Variants in YAE1 observed in about 807,000 individuals in gnomAD.
YAE1 encodes the protein YAE1 maturation factor of ABCE1.
A neutral mutation model predicts 23.0 loss-of-function variants in YAE1; 22 were observed. The observed-to-expected ratio is 0.96, with a 90% CI of 0.68 to 1.37. YAE1 has a LOEUF of 1.37. Ranked by LOEUF, YAE1 falls within the 40% of genes most tolerant of loss-of-function variation. The pLI is 0.00. For synonymous variants in YAE1, 101 were observed against 97.0 expected (o/e 1.04, Z -0.24); for missense variants, 260 against 262.1 (o/e 0.99, Z 0.06).
chr7:39,571,490 C>T (rs541217271), intron 2 of YAE1, among the ~76,000 whole-genome samples: 11 of 151,572 alleles, frequency 7.3e-5, no homozygotes, highest in African/African-American at 2.2e-4. Context: ...CAAAACAAAC[C>T]GAAAAATTTA....
chr7:39,609,929 C>A (rs1463821088), exon 3 of YAE1: 6 of 1,526,286 alleles, frequency 3.9e-6, no homozygotes, highest in Non-Finnish European at 5.3e-6. Context: ...CACCTTCCAA[C>A]TCCGAAACAC....
Position 39,580,510 on chromosome 7 carries a change from T to C in YAE1, c.251+9883T>C. Among the ~76,000 whole-genome samples the C allele has an allele frequency of 1.3e-5, 2 of 151,638 alleles. 1 individual carries two copies. The highest frequency in any genetic ancestry group is 2.9e-5 in the Non-Finnish European group (2 of 67,908). On this transcript the variant is annotated intron_variant, in intron 2 of 2. Transcript: ENST00000432096. Reference sequence around the variant, plus strand: ...AGTTGAATCCTGGTGCTTTCATGCATGTGTATGCAACTCACCACTGAGAGA... The same window carrying C: ...AGTTGAATCCTGGTGCTTTCATGCACGTGTATGCAACTCACCACTGAGAGA...
intron 1 of YAE1, chr7:39,569,318 A>G (rs570954338): frequency 3.5e-5 from 11 of 313,036 alleles, no homozygotes; most frequent in African/African-American, 2.5e-4. Context: ...CTTCAAACCA[A>G]AAGAAATAAT....
At chr7:39,569,704 G>T (rs1790534214) in intron 1 of YAE1, 1 of 712,856 alleles carries the variant, frequency 1.4e-6, no homozygotes, top group Non-Finnish European at 2.7e-6. Context: ...AAGTAGTTAT[G>T]GCAAGTCCTG....
chr7:39,572,300 T>A lies in YAE1; in HGVS notation c.275T>A (p.Leu92His). 6.2e-7 allele frequency: 1 copy of A among 1,613,024 alleles called. No homozygotes were observed. The highest frequency in any genetic ancestry group is 1.1e-5 in the South Asian group (1 of 90,902). ...TLSALLSWCH[L>H]HNNNSTLINK... The stretch of plus-strand genomic sequence containing the variant: ...AGTGCTTTGCTCTCCTGGTGTCACC[T>A]TCATAATAATAATTCAACTTTGATC... Residue 92 changes from leucine to histidine, a missense_variant, in exon 3 of 3, where the codon CTT becomes CAT. Leu to His is a moderately conservative substitution (Grantham distance 99). Transcript: ENST00000223273.
chr7:39,596,593 C>T (rs1371875315), intron 2 of YAE1, among the ~76,000 whole-genome samples: 3 of 152,136 alleles, frequency 2.0e-5, no homozygotes, highest in African/African-American at 7.2e-5. Flanking sequence ...GTTTACTTCT[C>T]CTTAACAACT....
intron 2 of YAE1, among the ~76,000 whole-genome samples, chr7:39,598,994 C>T (rs2115837685): frequency 6.6e-6 from 1 of 152,012 alleles, no homozygotes; most frequent in South Asian, 2.1e-4. Flanking sequence ...TAAATTCTCA[C>T]TCTGTTGGGA....
At position 39,572,701 on chromosome 7, in the gene YAE1, C is replaced by G. The variant is rs1302190664; in HGVS notation, c.676C>G (p.Leu226Val). The change falls in exon 3 of 3, where the codon CTA (leucine) becomes GTA (valine). Residue 226 changes from leucine (L) to valine (V), a missense_variant. Transcript: ENST00000223273. The part of the protein sequence containing the change: ...SVDVLQHLKQ[L>V] ...AGATGTATTACAACACCTCAAACAACTATAAAATTACCTTCCCTTTTCTAA... is the reference window on the plus strand; with the variant it reads ...AGATGTATTACAACACCTCAAACAAGTATAAAATTACCTTCCCTTTTCTAA... The G allele has an allele frequency of 1.3e-6, 2 of 1,563,364 alleles. No individual in the cohort carries two copies. Among genetic ancestry groups the G allele is most frequent in the Non-Finnish European group, 1.7e-6 (2 of 1,160,404 alleles).
chr7:39,572,439 G>A lies in YAE1; in HGVS notation c.414G>A (p.Glu138=), dbSNP rs145962276. 1.7e-4 allele frequency: 268 copies of A among 1,614,004 alleles called. No individual in the cohort carries two copies. The highest frequency in any genetic ancestry group is 2.2e-4 in the Non-Finnish European group (255 of 1,179,994). Residue 138 remains glutamate, a synonymous_variant, in exon 3 of 3, where the codon GAG becomes GAA. Coordinates refer to ENST00000223273, the MANE Select transcript of YAE1 (RefSeq NM_020192.5). ...TTGTAGATTTATTGGACTCCATTGA[G>A]GATATGGACCTTTGTCATGTAGTTC... is the stretch of plus-strand genomic sequence containing the variant. ...SHVVDLLDSI[E]DMDLCHVVPA...
At chr7:39,566,594 C>A (rs1342110394) in intron 1 of YAE1, 47 bp downstream of exon 1, 1 of 1,607,642 alleles carries the variant, frequency 6.2e-7, no homozygotes, top group Non-Finnish European at 8.5e-7. Context: ...TGGGAAGAGG[C>A]GCGGAGTTGT....
chr7:39,599,456 A>G (rs1168975864), intron 2 of YAE1, among the ~76,000 whole-genome samples: 1 of 151,046 alleles, frequency 6.6e-6, no homozygotes, highest in Non-Finnish European at 1.5e-5. Context: ...GCTCACTGCA[A>G]CCTCCGCCTC....
chr7:39,587,279 A>G (rs1790833803), intron 2 of YAE1, among the ~76,000 whole-genome samples: 1 of 151,208 alleles, frequency 6.6e-6, no homozygotes, highest in South Asian at 2.1e-4. Flanking sequence ...CTGGTCTCGA[A>G]CTCCTGACTT....
chr7:39,584,774 T>TA (rs1206715797), intron 2 of YAE1, among the ~76,000 whole-genome samples: 1 of 152,156 alleles, frequency 6.6e-6, no homozygotes, highest in Non-Finnish European at 1.5e-5. Context: ...ATCCCAGCAC[T>TA]ATGGGAGGCC....
downstream of YAE1, among the ~76,000 whole-genome samples, chr7:39,574,774 A>G (rs554070248): frequency 1.3e-4 from 20 of 150,872 alleles, no homozygotes; most frequent in East Asian, 3.9e-3. Flanking sequence ...CCATGGTGTT[A>G]AGTCCCTGTA....
chr7:39,572,147 T>A, intron 2 of YAE1, 130 bp from the exon 3 acceptor site: 1 of 963,702 alleles, frequency 1.0e-6, no homozygotes, highest in South Asian at 1.9e-5. Flanking sequence ...GTATATAGAG[T>A]TATGAAAGAG....
intron 2 of YAE1, among the ~76,000 whole-genome samples, chr7:39,588,944 T>C (rs1330982213): frequency 1.3e-5 from 2 of 152,086 alleles, no homozygotes; most frequent in African/African-American, 4.8e-5. Flanking sequence ...TGCCTCAGCC[T>C]CCTGAATAGC....
chr7:39,584,871 C>A (rs967999482), intron 2 of YAE1, among the ~76,000 whole-genome samples: 5 of 152,134 alleles, frequency 3.3e-5, no homozygotes, highest in Non-Finnish European at 7.3e-5. Flanking sequence ...CAACAAAAAT[C>A]ATGCAATTTA....
intron 2 of YAE1, among the ~76,000 whole-genome samples, chr7:39,603,296 G>A (rs529063347): frequency 9.2e-5 from 14 of 152,210 alleles, no homozygotes; most frequent in Middle Eastern, 3.4e-3. Flanking sequence ...CCACCACCAC[G>A]CCGGGCTAAT....
At chr7:39,599,355 GTGTTTTTTTGTTT>G (rs1791021488) in intron 2 of YAE1, among the ~76,000 whole-genome samples, 1 of 151,184 alleles carries the variant, frequency 6.6e-6, no homozygotes, top group Admixed American at 6.6e-5. Flanking sequence ...CTATGTTGAA[GTGTTTTTTTGTTT>G]TGTTTTTTTG....
Sources: gnomAD v4.1 joint callset for allele counts (sites outside exome capture counted in the v4.1 genomes callset) on GRCh38, gnomAD v4.1.1 for gene constraint, MANE v1.5 for transcripts, NCBI Gene and HGNC (gene_info 2026-07-23, HGNC 2026-07-21) for gene names.